ADAMTS2: variants seen among roughly 807,000 people sequenced by gnomAD.
The protein encoded by ADAMTS2 is A disintegrin and metalloproteinase with thrombospondin motifs 2.
In ADAMTS2, 50 loss-of-function variants were observed where a neutral mutation model predicts 123.0. The observed-to-expected ratio is 0.41, with a 90% CI of 0.32 to 0.51. ADAMTS2 has a LOEUF of 0.51. ADAMTS2 is among the 20% of genes least tolerant of loss of function. ADAMTS2 has a pLI of 0.35. For synonymous variants in ADAMTS2, 678 were observed against 695.4 expected, an observed-to-expected ratio of 0.98 and a Z score of 0.39; for missense variants, 1,494 against 1,705.2, an observed-to-expected ratio of 0.88 and a Z score of 2.18.
chr5:179,152,413 G>A (rs546541233), intron 9 of ADAMTS2, among the ~76,000 whole-genome samples, 158 bp from the exon 10 acceptor site: 1 of 152,174 alleles, frequency 6.6e-6, no homozygotes, highest in Non-Finnish European at 1.5e-5. Flanking sequence ...GGGTGGTGAA[G>A]ACCTTGCCCA....
intron 2 of ADAMTS2, among the ~76,000 whole-genome samples, chr5:179,333,494 G>A (rs1757530739): frequency 6.6e-6 from 1 of 151,986 alleles, no homozygotes; most frequent in South Asian, 2.1e-4. Context: ...TACAGATGCT[G>A]TGCAAAGCTC....
chr5:179,251,533 C>A (rs1049647719), intron 3 of ADAMTS2, among the ~76,000 whole-genome samples: 3 of 152,118 alleles, frequency 2.0e-5, no homozygotes, highest in African/African-American at 7.2e-5. Context: ...AAGAATTGGC[C>A]TTCTGGGGTG....
intron 2 of ADAMTS2, among the ~76,000 whole-genome samples, chr5:179,276,593 C>A (rs910283576): frequency 6.6e-6 from 1 of 152,160 alleles, no homozygotes. Context: ...CACGCCTCCA[C>A]CCAAGTGATT....
intron 2 of ADAMTS2, among the ~76,000 whole-genome samples, chr5:179,301,597 G>C (rs758421841): frequency 6.6e-6 from 1 of 152,240 alleles, no homozygotes; most frequent in African/African-American, 2.4e-5. Context: ...CCCAGATGCC[G>C]CAGGGAGACA....
Position 179,170,399 on chromosome 5 carries a change from G to C in ADAMTS2, c.975+10673C>G, listed in dbSNP as rs60562987. ...ATCCCCCAGAGTCTGTCCCCACCGT[G>C]GGGGGGACAGCTCAGCCCCCTCCTG... On this transcript the variant is annotated intron_variant, in intron 5 of 21. Transcript: ENST00000251582. This position sits in a 1 kb window ranked among gnomAD's most constrained non-coding sequence, Gnocchi z 4.3. Among the ~76,000 whole-genome samples the C allele has an allele frequency of 2.6e-5, 4 of 151,876 alleles. No individual in the cohort carries two copies. The highest frequency in any genetic ancestry group is 9.7e-5 in the African/African-American group (4 of 41,362).
At chr5:179,339,918 T>C (rs1161346609) in intron 2 of ADAMTS2, among the ~76,000 whole-genome samples, 4 of 152,190 alleles carry the variant, frequency 2.6e-5, no homozygotes, top group Admixed American at 2.0e-4. Flanking sequence ...CTCAATCCCT[T>C]AGGCCGGCTT....
Position 179,242,640 on chromosome 5 carries a change from C to T in ADAMTS2, c.688+30271G>A, listed in dbSNP as rs1057206546. On this transcript the variant is annotated intron_variant, in intron 3 of 21. Transcript: ENST00000251582. This position sits in a 1 kb window ranked among gnomAD's most constrained non-coding sequence, Gnocchi z 4.2. ...AAATCCCAGTAAGAACAGCAAGAATCGGTGGCACCTGAGCCATCACTTGCT... is the reference window on the plus strand; with the variant it reads ...AAATCCCAGTAAGAACAGCAAGAATTGGTGGCACCTGAGCCATCACTTGCT... Among the ~76,000 whole-genome samples the T allele has an allele frequency of 2.6e-5, 4 of 152,188 alleles. No homozygotes were observed. Among genetic ancestry groups the T allele is most frequent in the African/African-American group, 7.2e-5 (3 of 41,442 alleles).
At chr5:179,264,812 G>A (rs1178783469) in intron 3 of ADAMTS2, among the ~76,000 whole-genome samples, 2 of 148,852 alleles carry the variant, frequency 1.3e-5, no homozygotes, top group African/African-American at 2.5e-5. Flanking sequence ...CCCAGGTTCT[G>A]AGATCCTGAG....
chr5:179,334,009 A>G (rs983627401), intron 2 of ADAMTS2, among the ~76,000 whole-genome samples: 1 of 152,172 alleles, frequency 6.6e-6, no homozygotes, highest in African/African-American at 2.4e-5. Flanking sequence ...AGACAGTGCC[A>G]CCACCTCAGA....
intron 10 of ADAMTS2, among the ~76,000 whole-genome samples, chr5:179,149,956 G>A (rs1026588653): frequency 1.3e-5 from 2 of 152,160 alleles, no homozygotes; most frequent in South Asian, 4.2e-4. Context: ...ATGAGTGAAG[G>A]GCTGCGGCCA....
In ADAMTS2 at chr5:179,137,963, G is replaced by C; in HGVS notation, c.1776-19C>G. 2 of 1,541,726 alleles carry C rather than the reference G, an allele frequency of 1.3e-6. No individual in the cohort carries two copies. Among genetic ancestry groups the C allele is most frequent in the Non-Finnish European group, 1.7e-6 (2 of 1,146,952 alleles). ...GGCCGGGCTGGAGGAGAAAGCAAAG[G>C]CCTTGCCGCTCCGTGCCATTGGAAA... On this transcript the variant is annotated intron_variant, in intron 11 of 21. Coordinates refer to ENST00000251582, the MANE Select transcript of ADAMTS2 (RefSeq NM_014244.5).
At chr5:179,241,939 G>A (rs1765679706) in intron 3 of ADAMTS2, among the ~76,000 whole-genome samples, 1 of 152,130 alleles carries the variant, frequency 6.6e-6, no homozygotes, top group Non-Finnish European at 1.5e-5. Context: ...ATGTGTCTCT[G>A]GTGGATGGGT....
At position 179,132,379 on chromosome 5, in the gene ADAMTS2, G is replaced by A. The variant is rs1478014561; in HGVS notation, c.2210-69C>T. 1.4e-6 allele frequency: 2 copies of A among 1,469,560 alleles called. No homozygotes were observed. Among genetic ancestry groups the A allele is most frequent in the African/African-American group, 1.4e-5 (1 of 72,066 alleles). The allele number at this position is 1,469,560 out of a possible 1,614,324, so 91.0% of individuals were successfully genotyped here. A position where few individuals can be genotyped will look rare whatever the true frequency, so the allele number is the denominator to read the frequency against. ...CGCCGCTCAAATTCGCACCATGCAA[G>A]GAGGGGCCTCGCTCTTGAAGGCAGC... On this transcript the variant is annotated intron_variant, in intron 14 of 21. Transcript: ENST00000251582. The surrounding 1 kb of genome is among the most constrained non-coding windows in gnomAD (Gnocchi z 6.1).
intron 11 of ADAMTS2, 88 bp from the exon 12 acceptor site, chr5:179,138,032 TC>T (rs1763096740): frequency 1.4e-6 from 2 of 1,411,280 alleles, no homozygotes; most frequent in Admixed American, 3.9e-5. Flanking sequence ...TTAGGGGGGA[TC>T]CCTAAGTCTC....
At chr5:179,253,502 G>C (rs1765974040) in intron 3 of ADAMTS2, among the ~76,000 whole-genome samples, 1 of 152,104 alleles carries the variant, frequency 6.6e-6, no homozygotes, top group Non-Finnish European at 1.5e-5. Context: ...AAAAATTCGG[G>C]GGGTGTGGTG....
At chr5:179,318,428 C>T (rs370867152) in intron 2 of ADAMTS2, among the ~76,000 whole-genome samples, 3 of 150,898 alleles carry the variant, frequency 2.0e-5, no homozygotes, top group South Asian at 2.1e-4. Flanking sequence ...CCGGGCGGGG[C>T]GGGGACAGCC....
chr5:179,293,907 C>T (rs913581764), intron 2 of ADAMTS2, among the ~76,000 whole-genome samples: 2 of 152,062 alleles, frequency 1.3e-5, no homozygotes, highest in African/African-American at 4.8e-5. Context: ...CAGGTGTGAG[C>T]CACCGCACCT....
chr5:179,203,149 C>T (rs192918650), intron 4 of ADAMTS2, among the ~76,000 whole-genome samples: 57 of 152,340 alleles, frequency 3.7e-4, no homozygotes, highest in African/African-American at 1.3e-3. Context: ...CTGCCACCAC[C>T]TCACCTCCTC....
chr5:179,261,970 C>T (rs557682360), intron 3 of ADAMTS2, among the ~76,000 whole-genome samples: 64 of 152,364 alleles, frequency 4.2e-4, no homozygotes, highest in Non-Finnish European at 6.8e-4. Flanking sequence ...GGCAGTGCAT[C>T]CCAGGGCCTG....
Sources: allele counts gnomAD v4.1 joint callset (sites outside exome capture counted in the v4.1 genomes callset), GRCh38; gene constraint gnomAD v4.1.1; non-coding constraint Gnocchi (gnomAD v3.1); transcripts MANE v1.5; gene names NCBI Gene and HGNC (gene_info 2026-07-23, HGNC 2026-07-21).